Variants in BCAS1 observed in about 807,000 individuals in gnomAD.
The protein encoded by BCAS1 is brain enriched myelin associated protein 1, also known as breast carcinoma-amplified sequence 1.
BCAS1 carries 46 observed loss-of-function variants against 65.4 expected under a neutral mutation model. The observed-to-expected ratio is 0.70, with a 90% CI of 0.55 to 0.90. The LOEUF is 0.90. BCAS1 is among the 40% of genes least tolerant of loss of function. The probability of loss-of-function intolerance (pLI) is 0.00; values close to 1 mark genes in which losing one functional copy is unlikely to be tolerated. For synonymous variants in BCAS1, 298 were observed against 293.5 expected (o/e 1.02, Z -0.16); for missense variants, 793 against 771.2 (o/e 1.03, Z -0.33).
intron 7 of BCAS1, among the ~76,000 whole-genome samples, chr20:53,991,285 G>A (rs191643827): frequency 4.6e-4 from 70 of 152,210 alleles, no homozygotes; most frequent in East Asian, 4.0e-3. Flanking sequence ...TCCCTCCCCC[G>A]TTGCAATATT....
chr20:54,018,366 T>C (rs1256588001), intron 4 of BCAS1, among the ~76,000 whole-genome samples: 1 of 152,098 alleles, frequency 6.6e-6, no homozygotes, highest in African/African-American at 2.4e-5. Flanking sequence ...GAAATACTCA[T>C]ATTTGTTGCA....
intron 3 of BCAS1, among the ~76,000 whole-genome samples, chr20:54,054,199 G>A (rs929811570): frequency 1.3e-5 from 2 of 152,160 alleles, no homozygotes; most frequent in African/African-American, 2.4e-5. Context: ...CCCATGACAC[G>A]TGGGGATTAT....
Position 54,055,577 on chromosome 20 carries a change from A to G in BCAS1, c.142+2508T>C, listed in dbSNP as rs181361853. Among the ~76,000 whole-genome samples the G allele has an allele frequency of 7.2e-5, 11 of 152,322 alleles. No homozygotes were observed. In the East Asian group the frequency reaches 1.2e-3, roughly 16 times the overall value. On this transcript the variant is annotated intron_variant, in intron 3 of 12. Coordinates refer to ENST00000688948, the MANE Select transcript of BCAS1 (RefSeq NM_001366298.2). ...AACACATGGGAATTATGGGAGTACA[A>G]TTAAAAATGAGATTTGGGTGGGGAC...
intron 2 of BCAS1, 56 bp from the exon 3 acceptor site, chr20:54,058,210 C>T (rs1375824800): frequency 1.3e-6 from 2 of 1,482,918 alleles, no homozygotes; most frequent in Non-Finnish European, 1.9e-6. Flanking sequence ...ATCAGAAGAA[C>T]TCAAGGAAGA....
chr20:54,050,781 C>T (rs2146277839), intron 3 of BCAS1, among the ~76,000 whole-genome samples: 1 of 152,258 alleles, frequency 6.6e-6, no homozygotes, highest in South Asian at 2.1e-4. Flanking sequence ...ACTCTGGGGT[C>T]CCCCTTGAGA....
chr20:54,001,703 C>G (rs958311690), intron 4 of BCAS1, among the ~76,000 whole-genome samples: 1 of 152,142 alleles, frequency 6.6e-6, no homozygotes, highest in African/African-American at 2.4e-5. Context: ...TTAAAAAACT[C>G]TAGCCTCTGA....
At chr20:53,987,037 C>T (rs1428112294) in intron 7 of BCAS1, among the ~76,000 whole-genome samples, 3 of 152,174 alleles carry the variant, frequency 2.0e-5, no homozygotes, top group East Asian at 3.8e-4. Flanking sequence ...TGAACAAGGG[C>T]ACAACCTGGC....
intron 3 of BCAS1, among the ~76,000 whole-genome samples, chr20:54,042,882 C>T (rs2092025756): frequency 6.6e-6 from 1 of 152,246 alleles, no homozygotes; most frequent in Non-Finnish European, 1.5e-5. Flanking sequence ...CAGGTTCTAA[C>T]CAATGAGCAT....
At chr20:54,041,258 G>A (rs290471) in intron 3 of BCAS1, among the ~76,000 whole-genome samples, 49,616 of 150,918 alleles carry the variant, frequency 0.33, 9,692 homozygotes, top group South Asian at 0.42. Context: ...TGGAACGATT[G>A]CACACATGGT....
chr20:54,001,580 C>T (rs1289438373), intron 4 of BCAS1, among the ~76,000 whole-genome samples: 3 of 151,972 alleles, frequency 2.0e-5, no homozygotes, highest in Admixed American at 1.3e-4. Context: ...ACTTGCGGCC[C>T]CCACCCAAGA....
At chr20:53,947,567 G>A (rs564304554) in intron 12 of BCAS1, among the ~76,000 whole-genome samples, 3 of 152,050 alleles carry the variant, frequency 2.0e-5, no homozygotes, top group East Asian at 1.9e-4. Flanking sequence ...CATCCCACCC[G>A]GTCCTCACTG....
intron 7 of BCAS1, among the ~76,000 whole-genome samples, chr20:53,989,498 C>G (rs1429310512): frequency 5.3e-5 from 8 of 152,138 alleles, no homozygotes; most frequent in Admixed American, 5.2e-4. Context: ...AATAGACAAT[C>G]AGTCATTCAA....
chr20:53,962,576 T>C (rs1302739581), intron 10 of BCAS1, among the ~76,000 whole-genome samples: 4 of 152,252 alleles, frequency 2.6e-5, no homozygotes, highest in South Asian at 2.1e-4. Context: ...GACACATGAA[T>C]GCAGTATTCT....
At chr20:53,975,501 G>C in intron 8 of BCAS1, 71 bp from the exon 9 acceptor site, 1 of 1,287,214 alleles carries the variant, frequency 7.8e-7, no homozygotes, top group South Asian at 1.2e-5. Flanking sequence ...TAAAAGCAAA[G>C]GGTTAGTTGG....
chr20:54,069,330 G>A (rs573398703), intron 1 of BCAS1, among the ~76,000 whole-genome samples: 2 of 152,138 alleles, frequency 1.3e-5, no homozygotes, highest in African/African-American at 4.8e-5. Flanking sequence ...CAAAATTACC[G>A]CTGTTCCTGA....
At chr20:54,034,036 T>G (rs1428332822) in intron 3 of BCAS1, among the ~76,000 whole-genome samples, 1 of 151,380 alleles carries the variant, frequency 6.6e-6, no homozygotes, top group African/African-American at 2.4e-5. Flanking sequence ...AAAAACTACA[T>G]GATTATCTCA....
intron 1 of BCAS1, among the ~76,000 whole-genome samples, chr20:54,064,671 T>C (rs1225881547): frequency 1.3e-5 from 2 of 152,162 alleles, no homozygotes; most frequent in African/African-American, 4.8e-5. Context: ...CTCTCTCCTC[T>C]TGAGAACAAG....
At chr20:53,989,291 G>A (rs1042923091) in intron 7 of BCAS1, among the ~76,000 whole-genome samples, 5 of 152,052 alleles carry the variant, frequency 3.3e-5, no homozygotes, top group Non-Finnish European at 7.4e-5. Flanking sequence ...AGGATATCCA[G>A]AAACCCTTCA....
At chr20:54,058,590 GTTCT>G (rs2092332462) in intron 2 of BCAS1, 53 bp downstream of exon 2, 1 of 1,259,246 alleles carries the variant, frequency 7.9e-7, no homozygotes, top group Non-Finnish European at 1.1e-6. Flanking sequence ...AATACAGGAA[GTTCT>G]TTTTTTTTTT....
Sources: allele counts gnomAD v4.1 joint callset (sites outside exome capture counted in the v4.1 genomes callset), GRCh38; gene constraint gnomAD v4.1.1; transcripts MANE v1.5; gene names NCBI Gene and HGNC (gene_info 2026-07-23, HGNC 2026-07-21).